The following PRDM16 variants were observed in gnomAD, a reference collection of about 807,000 sequenced individuals.
PRDM16 encodes histone-lysine N-methyltransferase PRDM16.
In PRDM16, 23 loss-of-function variants were observed where a neutral mutation model predicts 110.6. The ratio of observed to expected loss-of-function variants is 0.21; its 90% CI spans 0.15 to 0.29. The LOEUF (loss-of-function observed/expected upper bound fraction) is 0.29. Among genes scored for constraint, PRDM16 ranks in the 10% least tolerant of loss-of-function variants. The probability of loss-of-function intolerance (pLI) is 1.00; values close to 1 mark genes in which losing one functional copy is unlikely to be tolerated. For synonymous variants in PRDM16, 799 were observed against 781.8 expected (o/e 1.02, Z -0.37); for missense variants, 1,615 against 1,794.3 (o/e 0.90, Z 1.81).
At position 3,084,673 on chromosome 1, in the gene PRDM16, T is replaced by A. The variant is rs779548885; in HGVS notation, c.37+15377T>A. Among the ~76,000 whole-genome samples the A allele has an allele frequency of 1.5e-4, 23 of 152,160 alleles. 1 individual carries two copies. Among genetic ancestry groups the A allele is most frequent in the Non-Finnish European group, 2.2e-4 (15 of 68,018 alleles). ...CTTGAGAATTTGAGTCGAGGCCACATCTGCCAGCGCTTATATCTAGGGCTC... is the reference window on the plus strand; with the variant it reads ...CTTGAGAATTTGAGTCGAGGCCACAACTGCCAGCGCTTATATCTAGGGCTC... On this transcript the variant is annotated intron_variant, in intron 1 of 16. Coordinates refer to ENST00000270722, the MANE Select transcript of PRDM16 (RefSeq NM_022114.4).
intron 1 of PRDM16, among the ~76,000 whole-genome samples, chr1:3,151,723 G>A (rs1643778514): frequency 6.6e-6 from 1 of 152,220 alleles, no homozygotes. Flanking sequence ...TTAGACAAGA[G>A]CTCAGCTTCA....
intron 1 of PRDM16, among the ~76,000 whole-genome samples, chr1:3,150,829 G>A (rs1428765522): frequency 4.8e-5 from 7 of 145,394 alleles, no homozygotes; most frequent in African/African-American, 1.8e-4. Context: ...GAGTGGGAGG[G>A]AAAGCACAGA....
intron 3 of PRDM16, among the ~76,000 whole-genome samples, chr1:3,347,957 TGAGTTCCGTGAGCCTCTGGACAC>T (rs1642394842): frequency 6.6e-6 from 1 of 151,334 alleles, no homozygotes. Context: ...TGCCGGGCAC[TGAGTTCCGTGAGCCTCTGGACAC>T]GGGGCTGTGC....
chr1:3,280,200 A>G (rs1388705493), intron 3 of PRDM16, among the ~76,000 whole-genome samples: 2 of 152,186 alleles, frequency 1.3e-5, no homozygotes, highest in Non-Finnish European at 2.9e-5. Flanking sequence ...GCTTAGTGCC[A>G]AGTCTGTGGC....
chr1:3,193,654 C>A (rs2100812233), intron 2 of PRDM16, among the ~76,000 whole-genome samples: 1 of 152,298 alleles, frequency 6.6e-6, no homozygotes, highest in East Asian at 1.9e-4. Context: ...GTGCGCCCAC[C>A]CAGCCGGGGA....
chr1:3,302,793 T>C (rs1641234180), intron 3 of PRDM16, among the ~76,000 whole-genome samples: 1 of 152,128 alleles, frequency 6.6e-6, no homozygotes, highest in African/African-American at 2.4e-5. Context: ...CTGGTCACAG[T>C]GCGAGAGCTG....
At chr1:3,168,661 TG>T (rs977667029) in intron 1 of PRDM16, among the ~76,000 whole-genome samples, 5 of 144,946 alleles carry the variant, frequency 3.4e-5, no homozygotes, top group Non-Finnish European at 7.5e-5. Context: ...GCAAAGAAAT[TG>T]CTTTAAAATG....
chr1:3,140,462 C>T (rs544113865), intron 1 of PRDM16, among the ~76,000 whole-genome samples: 2 of 152,208 alleles, frequency 1.3e-5, no homozygotes, highest in African/African-American at 4.8e-5. Context: ...AGCTCTCTGA[C>T]CCCCACCCCT....
chr1:3,314,708 C>T (rs1641558159), intron 3 of PRDM16, among the ~76,000 whole-genome samples: 1 of 152,014 alleles, frequency 6.6e-6, no homozygotes, highest in Non-Finnish European at 1.5e-5. Flanking sequence ...AAGTTCCTCC[C>T]CCTCCTCCTC....
At chr1:3,140,342 A>G (rs1643524367) in intron 1 of PRDM16, among the ~76,000 whole-genome samples, 1 of 152,036 alleles carries the variant, frequency 6.6e-6, no homozygotes, top group South Asian at 2.1e-4. Flanking sequence ...CTGAGCCGAG[A>G]TGTGGCTACG....
chr1:3,115,130 C>A (rs577286600), intron 1 of PRDM16, among the ~76,000 whole-genome samples: 1 of 152,360 alleles, frequency 6.6e-6, no homozygotes, highest in Admixed American at 6.5e-5. Flanking sequence ...CCTCCCACAT[C>A]ATCACATTCC....
chr1:3,091,502 C>T (rs1232092606), intron 1 of PRDM16, among the ~76,000 whole-genome samples: 1 of 152,234 alleles, frequency 6.6e-6, no homozygotes, highest in East Asian at 1.9e-4. Flanking sequence ...CGAATCCACT[C>T]CTCGTGCCGG....
At chr1:3,406,186 A>G (rs1019200315) in intron 8 of PRDM16, among the ~76,000 whole-genome samples, 7 of 152,004 alleles carry the variant, frequency 4.6e-5, no homozygotes, top group East Asian at 1.9e-4. Context: ...TCGCACACCA[A>G]TGGGAGGAGA....
chr1:3,231,865 A>G (rs1639425122), intron 2 of PRDM16, among the ~76,000 whole-genome samples: 1 of 152,168 alleles, frequency 6.6e-6, no homozygotes, highest in South Asian at 2.1e-4. Context: ...GCCCCAAGAG[A>G]GTAAAGCTGG....
intron 1 of PRDM16, among the ~76,000 whole-genome samples, chr1:3,095,534 G>T (rs1041280005): frequency 6.6e-6 from 1 of 152,116 alleles, no homozygotes; most frequent in Non-Finnish European, 1.5e-5. Flanking sequence ...TGCCTCATGG[G>T]GGGCCGGGCT....
At chr1:3,261,831 G>A (rs954916589) in intron 3 of PRDM16, among the ~76,000 whole-genome samples, 1 of 152,208 alleles carries the variant, frequency 6.6e-6, no homozygotes, top group Non-Finnish European at 1.5e-5. Context: ...GTGCCCCAGG[G>A]ACCAGGTTTG....
chr1:3,106,460 C>T (rs545668489), intron 1 of PRDM16, among the ~76,000 whole-genome samples: 3 of 152,076 alleles, frequency 2.0e-5, no homozygotes, highest in Non-Finnish European at 2.9e-5. Context: ...AGGGCTGGTG[C>T]GAGATGGATA....
intron 2 of PRDM16, chr1:3,207,194 T>C (rs577829879): frequency 6.6e-6 from 1 of 152,306 alleles, no homozygotes; most frequent in South Asian, 2.1e-4. Context: ...CCCAGCGCCA[T>C]TGATCCCTTT....
intron 10 of PRDM16, among the ~76,000 whole-genome samples, chr1:3,415,356 C>T (rs1643761329): frequency 6.6e-6 from 1 of 152,264 alleles, no homozygotes; most frequent in Non-Finnish European, 1.5e-5. Flanking sequence ...CTGGAGGGTC[C>T]TGAGGGTCGC....
Sources: gnomAD v4.1 joint callset for allele counts (sites outside exome capture counted in the v4.1 genomes callset) on GRCh38, gnomAD v4.1.1 for gene constraint, MANE v1.5 for transcripts, NCBI Gene and HGNC (gene_info 2026-07-23, HGNC 2026-07-21) for gene names.